The following KDM4C variants were observed in gnomAD, a reference collection of about 807,000 sequenced individuals.
KDM4C encodes lysine-specific demethylase 4C.
KDM4C carries 81 observed loss-of-function variants against 129.3 expected under a neutral mutation model. The ratio of observed to expected loss-of-function variants is 0.63; its 90% confidence interval spans 0.52 to 0.75. The LOEUF (loss-of-function observed/expected upper bound fraction) is 0.75. Ranked by LOEUF, KDM4C falls within the 30% of genes least tolerant of loss-of-function variation. KDM4C has a pLI of 0.00. For missense variants in KDM4C, 1,457 were observed against 1,304.0 expected (o/e 1.12, Z -1.81); for synonymous variants, 573 against 456.1 (o/e 1.26, Z -3.26).
At chr9:6,853,660 C>T (rs905812548) in intron 5 of KDM4C, among the ~76,000 whole-genome samples, 2 of 152,142 alleles carry the variant, frequency 1.3e-5, no homozygotes, top group African/African-American at 2.4e-5. Context: ...GACTTCAAAG[C>T]AGCTGATGAT....
chr9:6,880,004 A>C lies in KDM4C; in HGVS notation c.630-8A>C. ...ACCTAAAATTTTTACTTATGTTTAA[A>C]ATTTTAGGTATGCTATACCTCCGGA... On this transcript the variant is annotated splice_region_variant and splice_polypyrimidine_tract_variant and intron_variant, in intron 5 of 21. Transcript: ENST00000381309. The C allele has an allele frequency of 1.3e-6, 2 of 1,527,808 alleles. No individual in the cohort carries two copies. The highest frequency in any genetic ancestry group is 1.8e-6 in the Non-Finnish European group (2 of 1,122,216). The allele number at this position is 1,527,808 out of a possible 1,614,324, so 94.6% of individuals were successfully genotyped here. A position where few individuals can be genotyped will look rare whatever the true frequency, so the allele number is the denominator to read the frequency against.
rs191772097 is a variant in KDM4C, at chr9:7,104,538, T to A, written c.2610+668T>A. ...AGTGTTTGCAACCAAATAATATGAATTTAGCCATATTTCTGTTGACCTGTC... is the reference window on the plus strand; with the variant it reads ...AGTGTTTGCAACCAAATAATATGAAATTAGCCATATTTCTGTTGACCTGTC... On this transcript the variant is annotated intron_variant, in intron 18 of 21. Coordinates refer to ENST00000381309, the MANE Select transcript of KDM4C (RefSeq NM_015061.6). Among the ~76,000 whole-genome samples, 290 of 152,294 alleles carry A rather than the reference T, an allele frequency of 1.9e-3. 4 individuals are homozygous for A. The highest frequency in any genetic ancestry group is 6.7e-3 in the African/African-American group (277 of 41,562).
chr9:7,173,799 C>T (rs1421192220), intron 21 of KDM4C, among the ~76,000 whole-genome samples: 1 of 152,154 alleles, frequency 6.6e-6, no homozygotes, highest in Non-Finnish European at 1.5e-5. Context: ...ATTTGAAGGG[C>T]CTCTGAGACA....
chr9:7,107,694 AC>A (rs1368864938), intron 18 of KDM4C, among the ~76,000 whole-genome samples: 2 of 152,322 alleles, frequency 1.3e-5, no homozygotes, highest in African/African-American at 4.8e-5. Flanking sequence ...AGCTTTAGAA[AC>A]CTTAGAAGTC....
chr9:6,810,102 G>A (rs12002128), intron 3 of KDM4C, among the ~76,000 whole-genome samples: 33 of 152,166 alleles, frequency 2.2e-4, no homozygotes, highest in African/African-American at 8.0e-4. Context: ...GAGCCTTGAA[G>A]TTCTTTCTTC....
chr9:6,907,766 C>T (rs1818581219), intron 8 of KDM4C, among the ~76,000 whole-genome samples: 2 of 152,190 alleles, frequency 1.3e-5, no homozygotes, highest in Admixed American at 1.3e-4. Flanking sequence ...AAACTATATT[C>T]AGATAAAATG....
intron 5 of KDM4C, among the ~76,000 whole-genome samples, chr9:6,856,365 T>C (rs1191917560): frequency 6.6e-6 from 1 of 152,208 alleles, no homozygotes; most frequent in Non-Finnish European, 1.5e-5. Flanking sequence ...TTTGCTATTT[T>C]GTCTAGAAAA....
intron 17 of KDM4C, among the ~76,000 whole-genome samples, chr9:7,069,375 A>G (rs1462245703): frequency 2.0e-5 from 3 of 152,174 alleles, no homozygotes; most frequent in Non-Finnish European, 2.9e-5. Context: ...ATACATGTTT[A>G]TTTAACTTTT....
At chr9:6,797,977 C>G (rs990532207) in intron 2 of KDM4C, among the ~76,000 whole-genome samples, 1 of 152,126 alleles carries the variant, frequency 6.6e-6, no homozygotes, top group Non-Finnish European at 1.5e-5. Context: ...AAAGATTTAA[C>G]TTTGGAATCT....
At chr9:6,992,900 A>G (rs143220404) in intron 12 of KDM4C, among the ~76,000 whole-genome samples, 50 of 152,268 alleles carry the variant, frequency 3.3e-4, no homozygotes, top group African/African-American at 1.1e-3. Flanking sequence ...GTTTCTCCCT[A>G]ACAGAAAGGC....
intron 8 of KDM4C, among the ~76,000 whole-genome samples, chr9:6,974,500 G>A (rs970012622): frequency 6.6e-6 from 1 of 152,178 alleles, no homozygotes; most frequent in Admixed American, 6.5e-5. Flanking sequence ...TGAGATTACA[G>A]GCATGTGCCA....
At chr9:7,123,861 TG>T (rs1419574134) in intron 18 of KDM4C, among the ~76,000 whole-genome samples, 1 of 152,198 alleles carries the variant, frequency 6.6e-6, no homozygotes, top group African/African-American at 2.4e-5. Context: ...ATTGTTTTCC[TG>T]GCAGTGATTT....
At chr9:7,079,495 T>C (rs899429270) in intron 17 of KDM4C, among the ~76,000 whole-genome samples, 26 of 152,166 alleles carry the variant, frequency 1.7e-4, no homozygotes, top group Non-Finnish European at 1.2e-4. Flanking sequence ...GCTAATATTT[T>C]ATTTTTAGTG....
At chr9:6,847,044 T>C (rs1837966087) in intron 4 of KDM4C, among the ~76,000 whole-genome samples, 1 of 152,184 alleles carries the variant, frequency 6.6e-6, no homozygotes, top group African/African-American at 2.4e-5. Flanking sequence ...CCTCATACCA[T>C]GGGTCTAGGA....
intron 5 of KDM4C, among the ~76,000 whole-genome samples, chr9:6,851,562 C>T (rs1354479783): frequency 6.6e-6 from 1 of 151,954 alleles, no homozygotes; most frequent in Non-Finnish European, 1.5e-5. Context: ...AGTATGTAGG[C>T]AACTACATAC....
intron 17 of KDM4C, among the ~76,000 whole-genome samples, chr9:7,054,592 A>G (rs764764268): frequency 3.9e-5 from 6 of 152,240 alleles, no homozygotes; most frequent in Non-Finnish European, 8.8e-5. Context: ...GATCACTGTA[A>G]AAATCTTAGA....
intron 8 of KDM4C, among the ~76,000 whole-genome samples, chr9:6,951,524 C>T (rs984755108): frequency 2.8e-4 from 43 of 152,108 alleles, no homozygotes; most frequent in African/African-American, 9.9e-4. Flanking sequence ...AGAGGAATGT[C>T]TTGGGAACAG....
At chr9:7,037,451 C>T (rs536061931) in intron 15 of KDM4C, among the ~76,000 whole-genome samples, 7 of 152,160 alleles carry the variant, frequency 4.6e-5, no homozygotes, top group Non-Finnish European at 1.0e-4. Context: ...ATGCTGTTCT[C>T]ACCACTGTCA....
intron 17 of KDM4C, among the ~76,000 whole-genome samples, chr9:7,050,280 G>T (rs537697136): frequency 1.3e-5 from 2 of 151,970 alleles, no homozygotes; most frequent in African/African-American, 4.8e-5. Flanking sequence ...AGGATGCTCA[G>T]CATGTGGTAG....
Sources: gnomAD v4.1 joint callset for allele counts (sites outside exome capture counted in the v4.1 genomes callset) on GRCh38, gnomAD v4.1.1 for gene constraint, MANE v1.5 for transcripts, NCBI Gene and HGNC (gene_info 2026-07-23, HGNC 2026-07-21) for gene names.